Variants in OGDH observed in about 807,000 individuals in gnomAD.
OGDH encodes oxoglutarate dehydrogenase, also known as 2-oxoglutarate dehydrogenase complex component E1.
A neutral mutation model predicts 116.6 loss-of-function variants in OGDH; 38 were observed. The observed-to-expected ratio is 0.33, with a 90% CI of 0.25 to 0.43. The LOEUF is 0.43. OGDH is among the 20% of genes least tolerant of loss of function. The pLI, the probability that OGDH is intolerant of heterozygous loss-of-function variation, is 1.00. For synonymous variants in OGDH, 488 were observed against 533.3 expected (o/e 0.92, Z 1.17); for missense variants, 825 against 1,357.2 (o/e 0.61, Z 6.16).
chr7:44,671,638 T>C (rs1474471421), intron 5 of OGDH, among the ~76,000 whole-genome samples: 7 of 148,756 alleles, frequency 4.7e-5, no homozygotes, highest in Non-Finnish European at 1.0e-4. Flanking sequence ...CGTGGTGGCA[T>C]GCACCTATAG....
At chr7:44,668,056 C>A (rs915350340) in intron 5 of OGDH, among the ~76,000 whole-genome samples, 1 of 152,188 alleles carries the variant, frequency 6.6e-6, no homozygotes, top group Admixed American at 6.5e-5. Flanking sequence ...TCTAGCACCC[C>A]AGGGATTAAT....
At chr7:44,625,770 T>G (rs1785178795) in intron 2 of OGDH, among the ~76,000 whole-genome samples, 1 of 152,222 alleles carries the variant, frequency 6.6e-6, no homozygotes, top group African/African-American at 2.4e-5. Context: ...TGGGCTCCTG[T>G]AAACAAGCTT....
chr7:44,657,665 T>C (rs995577925), intron 4 of OGDH, among the ~76,000 whole-genome samples: 1 of 152,236 alleles, frequency 6.6e-6, no homozygotes, highest in Non-Finnish European at 1.5e-5. Context: ...TTTCCTTTTA[T>C]GGATTGTGCT....
intron 9 of OGDH, among the ~76,000 whole-genome samples, chr7:44,676,755 A>G (rs1787721028): frequency 6.6e-6 from 1 of 151,994 alleles, no homozygotes; most frequent in African/African-American, 2.4e-5. Context: ...GTCTTCACCA[A>G]ATCTGTTAAG....
intron 1 of OGDH, among the ~76,000 whole-genome samples, chr7:44,614,495 C>T (rs1187918913): frequency 6.6e-6 from 1 of 152,032 alleles, no homozygotes; most frequent in African/African-American, 2.4e-5. Flanking sequence ...ACTCCAATGA[C>T]ATTAATATTA....
chr7:44,643,117 A>AG (rs1482201609), intron 2 of OGDH, among the ~76,000 whole-genome samples: 1 of 128,022 alleles, frequency 7.8e-6, no homozygotes, highest in Non-Finnish European at 1.5e-5. Flanking sequence ...AAAAAAAAAA[A>AG]GTCATTTTTT....
chr7:44,676,235 C>T (rs774188542), intron 9 of OGDH, 86 bp downstream of exon 9: 22 of 1,610,876 alleles, frequency 1.4e-5, no homozygotes, highest in Non-Finnish European at 1.9e-5. Context: ...TAACCCAGAG[C>T]CCTGGGTGCA....
intron 4 of OGDH, among the ~76,000 whole-genome samples, chr7:44,648,391 C>G (rs997244976): frequency 6.6e-6 from 1 of 152,202 alleles, no homozygotes. Context: ...CACCTACACC[C>G]CCTCCTCCTC....
At chr7:44,695,197 G>T (rs1788527968) in intron 12 of OGDH, among the ~76,000 whole-genome samples, 1 of 152,094 alleles carries the variant, frequency 6.6e-6, no homozygotes, top group African/African-American at 2.4e-5. Context: ...CTTACTTCAA[G>T]CAGTTTTCAT....
intron 1 of OGDH, among the ~76,000 whole-genome samples, chr7:44,610,765 C>A (rs1281687341): frequency 2.0e-5 from 3 of 152,146 alleles, no homozygotes; most frequent in South Asian, 2.1e-4. Context: ...TGCCACCACG[C>A]CCGGCTAATT....
chr7:44,707,481 A>G lies in OGDH; in HGVS notation c.2796+93A>G. 6.3e-7 allele frequency: 1 copy of G among 1,593,958 alleles called. No individual in the cohort carries two copies. Among genetic ancestry groups the G allele is most frequent in the Non-Finnish European group, 8.6e-7 (1 of 1,168,932 alleles). On this transcript the variant is annotated intron_variant, in intron 21 of 22. Transcript: ENST00000222673. The surrounding 1 kb of genome is among the most constrained non-coding windows in gnomAD (Gnocchi z 5.2). ...CAGCCTTGCTTGGGGTGTGGCCCTC[A>G]GGTTCCTGACCTTCCCTGCTCGGAA...
chr7:44,638,525 G>T (rs934422318), intron 2 of OGDH, among the ~76,000 whole-genome samples: 4 of 152,120 alleles, frequency 2.6e-5, no homozygotes, highest in Admixed American at 2.0e-4. Flanking sequence ...TTGTCACTTG[G>T]AATGTTTCTA....
chr7:44,703,881 G>A (rs936981250), intron 20 of OGDH, among the ~76,000 whole-genome samples: 11 of 149,338 alleles, frequency 7.4e-5, no homozygotes, highest in African/African-American at 7.5e-5. Context: ...GCGAAACTCC[G>A]TCTCAAAAAA....
intron 7 of OGDH, chr7:44,674,808 A>T (rs1787617727): frequency 1.8e-6 from 1 of 554,346 alleles, no homozygotes; most frequent in Admixed American, 3.1e-5. Flanking sequence ...CTTACAGTGC[A>T]TCTTTATGAA....
rs568841954 is a variant in OGDH, at chr7:44,666,724, A to G, written c.518-12A>G. 10 of 1,568,762 alleles carry G rather than the reference A, an allele frequency of 6.4e-6. No individual in the cohort carries two copies. In the Admixed American group the frequency reaches 1.0e-4, roughly 16 times the overall value. On this transcript the variant is annotated splice_polypyrimidine_tract_variant and intron_variant, in intron 4 of 22. Coordinates refer to ENST00000222673, the MANE Select transcript of OGDH (RefSeq NM_002541.4). The stretch of plus-strand genomic sequence containing the variant: ...TCCTCATCTGGCTTGTCCTGCCCAC[A>G]TCGCCCTGCAGGGTTCTATGGCCTG...
At chr7:44,620,338 G>A (rs900343620) in intron 1 of OGDH, among the ~76,000 whole-genome samples, 1 of 152,170 alleles carries the variant, frequency 6.6e-6, no homozygotes, top group Admixed American at 6.6e-5. Flanking sequence ...TTATTTTGAT[G>A]AAATCCAATT....
intron 5 of OGDH, among the ~76,000 whole-genome samples, chr7:44,668,326 A>T (rs2116069279): frequency 6.6e-6 from 1 of 152,318 alleles, no homozygotes. Context: ...AATCCCAGCT[A>T]CATGGGAGGC....
At chr7:44,623,905 A>G (rs891086227) in intron 1 of OGDH, among the ~76,000 whole-genome samples, 6 of 152,144 alleles carry the variant, frequency 3.9e-5, no homozygotes, top group Non-Finnish European at 8.8e-5. Context: ...TGGCCTCCCA[A>G]AGTGCTGGGA....
chr7:44,639,973 A>G (rs1785855429), intron 2 of OGDH, among the ~76,000 whole-genome samples: 1 of 152,202 alleles, frequency 6.6e-6, no homozygotes, highest in Non-Finnish European at 1.5e-5. Flanking sequence ...CCAATTGAAA[A>G]TCACCTGGAG....
Sources: allele counts gnomAD v4.1 joint callset (sites outside exome capture counted in the v4.1 genomes callset), GRCh38; gene constraint gnomAD v4.1.1; non-coding constraint Gnocchi (gnomAD v3.1); transcripts MANE v1.5; gene names NCBI Gene and HGNC (gene_info 2026-07-23, HGNC 2026-07-21).